The following SLC3A2 variants were observed in gnomAD, a reference collection of about 807,000 sequenced individuals.
SLC3A2 encodes the protein amino acid transporter heavy chain SLC3A2.
In SLC3A2, 32 loss-of-function variants were observed where a neutral mutation model predicts 48.5. That is an observed-to-expected ratio of 0.66 (90% CI 0.50 to 0.89). The LOEUF is 0.89. SLC3A2 is among the 40% of genes least tolerant of loss of function. The probability of loss-of-function intolerance (pLI) is 0.00; values close to 1 mark genes in which losing one functional copy is unlikely to be tolerated. For missense variants in SLC3A2, 587 were observed against 680.7 expected, an observed-to-expected ratio of 0.86 and a Z score of 1.53; for synonymous variants, 277 against 288.8, an observed-to-expected ratio of 0.96 and a Z score of 0.41.
At chr11:62,857,237 T>A (rs2085341663) in intron 1 of SLC3A2, among the ~76,000 whole-genome samples, 1 of 152,218 alleles carries the variant, frequency 6.6e-6, no homozygotes, top group Admixed American at 6.5e-5. Context: ...TTCTCCTTCC[T>A]CAGCCTCCTG....
At chr11:62,879,637 G>A (rs2085608103), upstream of SLC3A2, among the ~76,000 whole-genome samples, 1 of 152,232 alleles carries the variant, frequency 6.6e-6, no homozygotes, top group African/African-American at 2.4e-5. Context: ...TTTTCTCTAT[G>A]CTATTACTTC....
At chr11:62,888,263 T>G (rs748587247) in intron 8 of SLC3A2, 45 bp downstream of exon 8, 17 of 1,610,664 alleles carry the variant, frequency 1.1e-5, no homozygotes, top group Non-Finnish European at 1.4e-5. Flanking sequence ...GAGGGTGGGC[T>G]GGGCTTGTAG....
chr11:62,888,301 A>G (rs1219542829), intron 8 of SLC3A2, 30 bp from the exon 9 acceptor site: 1 of 1,610,472 alleles, frequency 6.2e-7, no homozygotes, highest in African/African-American at 1.3e-5. Context: ...AGCCCCTCAC[A>G]CGCTTCTGCT....
chr11:62,888,384 C>A lies in SLC3A2; in HGVS notation c.1281C>A (p.Asp427Glu), dbSNP rs1319929458. The A allele has an allele frequency of 6.2e-7, 1 of 1,614,190 alleles. No individual in the cohort carries two copies. Among genetic ancestry groups the A allele is most frequent in the East Asian group, 2.2e-5 (1 of 44,888 alleles). Residue 427 changes from aspartate to glutamate, a missense_variant, in exon 9 of 9, where the codon GAC becomes GAA. This residue lies in a region of SLC3A2 where 169 missense variants were observed against 204.4 expected (regional missense o/e 0.83). Transcript: ENST00000338663. The part of the protein sequence containing the change: ...SLLSLFRRLS[D>E]QRSKERSLLH... ...TTTCCTTGTTCCGGCGGCTGAGTGA[C>A]CAGCGGAGTAAGGAGCGCTCCCTAC...
At chr11:62,875,268 C>T (rs1054212864) in intron 1 of SLC3A2, among the ~76,000 whole-genome samples, 3 of 151,908 alleles carry the variant, frequency 2.0e-5, no homozygotes, top group African/African-American at 7.3e-5. Context: ...TAGATGTGGC[C>T]GGGCACGGTG....
In SLC3A2 at chr11:62,881,668, A is replaced by G. The variant is rs939672000; in HGVS notation, c.424+221A>G. On this transcript the variant is annotated intron_variant, in intron 1 of 8. Transcript: ENST00000338663. This position sits in a 1 kb window ranked among gnomAD's most constrained non-coding sequence, Gnocchi z 4.0. The stretch of plus-strand genomic sequence containing the variant: ...ACTCCGTCACGAGGGTGGGTGACTC[A>G]GCGTCCTCCTTCCCCGCGGCGCCAG... 4.6e-6 allele frequency: 4 copies of G among 860,616 alleles called. No homozygotes were observed. In the African/African-American group the frequency reaches 5.4e-5, roughly 12 times the overall value. 53.3% of individuals were successfully genotyped at this position (860,616 alleles called of 1,614,324 possible).
rs1487728709 is a variant in SLC3A2 at position 62,881,886 on chromosome 11, A to G, written c.425-7A>G. The stretch of plus-strand genomic sequence containing the variant: ...GGCCTCACTTGTTAACCCAGCCCCC[A>G]TTTCAGGTCTGAAGGGGCGTCTCGA... On this transcript the variant is annotated splice_region_variant and splice_polypyrimidine_tract_variant and intron_variant, in intron 1 of 8. Coordinates refer to ENST00000338663, the MANE Select transcript of SLC3A2 (RefSeq NM_001013251.3). This position sits in a 1 kb window ranked among gnomAD's most constrained non-coding sequence, Gnocchi z 4.0. The G allele has an allele frequency of 6.2e-7, 1 of 1,613,162 alleles. No homozygotes were observed.
intron 1 of SLC3A2, among the ~76,000 whole-genome samples, chr11:62,860,575 C>T (rs2085388844): frequency 6.6e-6 from 1 of 152,176 alleles, no homozygotes; most frequent in African/African-American, 2.4e-5. Flanking sequence ...ATTCCATTCC[C>T]AGGGACTAGC....
chr11:62,856,644 AC>A (rs1418995825), intron 1 of SLC3A2, among the ~76,000 whole-genome samples: 2 of 151,888 alleles, frequency 1.3e-5, no homozygotes, highest in African/African-American at 4.8e-5. Context: ...TAGGATGACA[AC>A]CCCCATTTTA....
upstream of SLC3A2, among the ~76,000 whole-genome samples, chr11:62,879,420 G>A (rs1409717323): frequency 6.6e-6 from 1 of 152,196 alleles, no homozygotes; most frequent in Non-Finnish European, 1.5e-5. Flanking sequence ...GAGCTTTTGT[G>A]CTCGAGATAT....
rs1421171785 is a variant in SLC3A2 at position 62,884,450 on chromosome 11, C to G, written c.691-7C>G. On this transcript the variant is annotated splice_polypyrimidine_tract_variant and splice_region_variant and intron_variant, in intron 3 of 8. Coordinates refer to ENST00000338663, the MANE Select transcript of SLC3A2 (RefSeq NM_001013251.3). Reference sequence around the variant, plus strand: ...ATGTCTGTCCTTTATTCTTCTGCCCCCTATAGGATGCTCTGGAGTTTTGGC... The same window carrying G: ...ATGTCTGTCCTTTATTCTTCTGCCCGCTATAGGATGCTCTGGAGTTTTGGC... 12 of 1,613,954 alleles carry G rather than the reference C, an allele frequency of 7.4e-6. No homozygotes were observed. Among genetic ancestry groups the G allele is most frequent in the Admixed American group, 1.7e-5 (1 of 59,974 alleles).
At chr11:62,882,503 A>G in intron 2 of SLC3A2, 1 of 177,246 alleles carries the variant, frequency 5.6e-6, no homozygotes, top group South Asian at 7.5e-5. Flanking sequence ...TTTTTTTTTG[A>G]GATGGAGTCT....
intron 1 of SLC3A2, among the ~76,000 whole-genome samples, chr11:62,868,272 A>C (rs1381881166): frequency 6.6e-6 from 1 of 150,870 alleles, no homozygotes; most frequent in African/African-American, 2.4e-5. Context: ...CTGCAGTGAA[A>C]TCTTTTATAT....
intron 1 of SLC3A2, among the ~76,000 whole-genome samples, chr11:62,864,798 C>G (rs1044425336): frequency 7.7e-6 from 1 of 129,480 alleles, no homozygotes; most frequent in Non-Finnish European, 1.7e-5. Flanking sequence ...AGACAGAGTC[C>G]CACTCTGTCG....
intron 1 of SLC3A2, chr11:62,870,895 T>TG (rs2085509041): frequency 5.6e-6 from 1 of 177,064 alleles, no homozygotes; most frequent in African/African-American, 2.5e-5. Flanking sequence ...TATTATTATT[T>TG]GAGATGGAGT....
intron 1 of SLC3A2, among the ~76,000 whole-genome samples, chr11:62,868,879 T>C (rs2085480970): frequency 6.6e-6 from 1 of 152,004 alleles, no homozygotes; most frequent in Admixed American, 6.6e-5. Context: ...TTTACCATTC[T>C]TTTGTATATC....
intron 1 of SLC3A2, among the ~76,000 whole-genome samples, chr11:62,860,364 G>A (rs1241228654): frequency 6.6e-6 from 1 of 151,802 alleles, no homozygotes; most frequent in African/African-American, 2.4e-5. Context: ...AATTAGCCGG[G>A]TGTGATGGCG....
Position 62,882,668 on chromosome 11 carries a change from A to G in SLC3A2, c.599-240A>G, listed in dbSNP as rs1428401020. On this transcript the variant is annotated intron_variant, in intron 2 of 8. Transcript: ENST00000338663. ...CCCAGATAATTTTTTTATTTTTAGT[A>G]GAGACAATTTTCAACATGTTGACCG... 6.6e-6 allele frequency: 3 copies of G among 454,842 alleles called. No homozygotes were observed. In the East Asian group the frequency reaches 1.2e-4, roughly 19 times the overall value. 28.2% of individuals were successfully genotyped at this position (454,842 alleles called of 1,614,324 possible).
At position 62,880,936 on chromosome 11, in the gene SLC3A2, G is replaced by A. The variant is rs879131288; in HGVS notation, c.-88G>A. On this transcript the variant is annotated 5_prime_UTR_variant, in exon 1 of 9. Coordinates refer to ENST00000338663, the MANE Select transcript of SLC3A2 (RefSeq NM_001013251.3). ...AACTGCGCGGAGGCACAGAGGCCGG[G>A]GAGAGCGTTCTGGGTCCGAGGGTCC... The A allele has an allele frequency of 4.7e-6, 7 of 1,476,928 alleles. No homozygotes were observed. The highest frequency in any genetic ancestry group is 2.8e-5 in the African/African-American group (2 of 71,408). 91.5% of individuals were successfully genotyped at this position (1,476,928 alleles called of 1,614,324 possible). A position where few individuals can be genotyped will look rare whatever the true frequency, so the allele number is the denominator to read the frequency against.
Sources: gnomAD v4.1 joint callset for allele counts (sites outside exome capture counted in the v4.1 genomes callset) on GRCh38, gnomAD v4.1.1 for gene constraint, gnomAD v4.1.1 regional missense constraint, Gnocchi (gnomAD v3.1) non-coding constraint, MANE v1.5 for transcripts, NCBI Gene and HGNC (gene_info 2026-07-23, HGNC 2026-07-21) for gene names.